Variants in BPIFC observed in about 807,000 individuals in gnomAD.
BPIFC encodes the protein BPI fold containing family C.
A neutral mutation model predicts 57.6 loss-of-function variants in BPIFC; 60 were observed. That is an observed-to-expected ratio of 1.04 (90% CI 0.85 to 1.29). The LOEUF (loss-of-function observed/expected upper bound fraction) is 1.29, where lower values mean the gene tolerates loss of function less well. Ranked by LOEUF, BPIFC falls within the 50% of genes most tolerant of loss-of-function variation. The pLI is 0.00. For synonymous variants in BPIFC, 243 were observed against 224.5 expected, an observed-to-expected ratio of 1.08 and a Z score of -0.74; for missense variants, 581 against 600.5, an observed-to-expected ratio of 0.97 and a Z score of 0.34.
At chr22:32,435,000 C>T (rs1053480565) in intron 10 of BPIFC, among the ~76,000 whole-genome samples, 7 of 124,494 alleles carry the variant, frequency 5.6e-5, no homozygotes, top group African/African-American at 1.8e-4. Context: ...ATAATGATGA[C>T]AATGATGATA....
chr22:32,428,220 T>A (rs1053813221), intron 13 of BPIFC, among the ~76,000 whole-genome samples: 1 of 152,072 alleles, frequency 6.6e-6, no homozygotes. Flanking sequence ...TATTCATTTT[T>A]AAAAATTATT....
chr22:32,419,486 C>T, intron 13 of BPIFC, 82 bp from the exon 14 acceptor site: 1 of 1,339,224 alleles, frequency 7.5e-7, no homozygotes, highest in South Asian at 1.2e-5. Context: ...AGGATATTTT[C>T]AGTTCAAAAG....
Position 32,446,031 on chromosome 22 carries a change from G to A in BPIFC, c.375-35C>T, listed in dbSNP as rs755850192. On this transcript the variant is annotated intron_variant, in intron 5 of 16. Transcript: ENST00000300399. ...GAAGTGCAAGGTTATCCAAGCCTGAGTCAGGCACAGAGATGGATCTTGTTT... is the reference window on the plus strand; with the variant it reads ...GAAGTGCAAGGTTATCCAAGCCTGAATCAGGCACAGAGATGGATCTTGTTT... 5.0e-6 allele frequency: 8 copies of A among 1,608,206 alleles called. No individual in the cohort carries two copies. In the South Asian group the frequency reaches 8.8e-5, roughly 18 times the overall value.
At chr22:32,421,023 G>T (rs1019193446) in intron 13 of BPIFC, among the ~76,000 whole-genome samples, 2 of 152,172 alleles carry the variant, frequency 1.3e-5, no homozygotes, top group Non-Finnish European at 1.5e-5. Context: ...TAATGTCCTT[G>T]ATGTTCTTTT....
At chr22:32,440,509 C>T (rs1308705855) in intron 8 of BPIFC, among the ~76,000 whole-genome samples, 1 of 152,154 alleles carries the variant, frequency 6.6e-6, no homozygotes, top group African/African-American at 2.4e-5. Context: ...AAAGTTCCTG[C>T]ACCCAAGGAA....
chr22:32,447,116 G>T, intron 5 of BPIFC, 96 bp downstream of exon 5: 1 of 1,392,808 alleles, frequency 7.2e-7, no homozygotes, highest in Non-Finnish European at 9.5e-7. Context: ...ATGAGGGAAA[G>T]AAGCCTATTG....
intron 4 of BPIFC, among the ~76,000 whole-genome samples, chr22:32,449,821 G>A (rs377606925): frequency 6.6e-6 from 1 of 150,840 alleles, no homozygotes; most frequent in Admixed American, 6.6e-5. Flanking sequence ...TACAAGCTCC[G>A]CCTCCCGGGT....
chr22:32,415,869 T>A lies in BPIFC; in HGVS notation c.1401+46A>T, dbSNP rs200517481. ...CAAAACAGGAGGAGGCTTAGTCTAC[T>A]ATAAAAAGAAATGGGTCAGTTAAGA... On this transcript the variant is annotated intron_variant, in intron 16 of 16. Transcript: ENST00000300399. The A allele has an allele frequency of 1.4e-4, 190 of 1,367,556 alleles. 2 individuals are homozygous for A. The African/African-American group carries it at 2.6e-3, about 18-fold the overall frequency. 84.7% of individuals were successfully genotyped at this position (1,367,556 alleles called of 1,614,324 possible).
chr22:32,442,634 A>T (rs1934596215), intron 8 of BPIFC, 37 bp downstream of exon 8: 1 of 1,595,854 alleles, frequency 6.3e-7, no homozygotes, highest in African/African-American at 1.3e-5. Flanking sequence ...TGAAGGTAGG[A>T]AGACAACCAT....
intron 1 of BPIFC, among the ~76,000 whole-genome samples, chr22:32,462,695 C>A (rs1433464458): frequency 6.6e-6 from 1 of 152,122 alleles, no homozygotes; most frequent in Admixed American, 6.5e-5. Flanking sequence ...GGGAACCCAA[C>A]CTTGTTCTTC....
intron 9 of BPIFC, 97 bp from the exon 10 acceptor site, chr22:32,435,977 C>T: frequency 2.2e-6 from 3 of 1,393,302 alleles, no homozygotes; most frequent in Non-Finnish European, 1.9e-6. Context: ...AATAAGAATT[C>T]CAGAAGCTCG....
intron 3 of BPIFC, among the ~76,000 whole-genome samples, chr22:32,454,625 C>G (rs1201355419): frequency 6.6e-6 from 1 of 152,148 alleles, no homozygotes; most frequent in Non-Finnish European, 1.5e-5. Context: ...GCCTTTATCC[C>G]CTTATTTTGC....
At chr22:32,429,429 A>C (rs80221555) in intron 13 of BPIFC, among the ~76,000 whole-genome samples, 35,406 of 148,542 alleles carry the variant, frequency 0.24, 4,858 homozygotes, top group East Asian at 0.48. Flanking sequence ...GATGGTCTCG[A>C]TCTCCTGACC....
At chr22:32,459,107 G>A (rs1172782715) in intron 2 of BPIFC, among the ~76,000 whole-genome samples, 1 of 152,186 alleles carries the variant, frequency 6.6e-6, no homozygotes, top group African/African-American at 2.4e-5. Context: ...GTTACAATCT[G>A]GGTGAGCTAT....
chr22:32,424,729 C>CTTCTTCT (rs1933996020), intron 13 of BPIFC, among the ~76,000 whole-genome samples: 2 of 48,224 alleles, frequency 4.1e-5, no homozygotes, highest in African/African-American at 3.5e-4. Flanking sequence ...CTTCTTCTTC[C>CTTCTTCT]TCTTCTTCTT....
intron 14 of BPIFC, 41 bp from the exon 15 acceptor site, chr22:32,417,189 CTTT>C (rs5844996): frequency 0.059 from 56,096 of 944,312 alleles, 6 homozygotes; most frequent in Middle Eastern, 0.066. Context: ...GCAGATCGGG[CTTT>C]TTTTTTTTTT....
At chr22:32,438,331 T>C (rs1934468383) in intron 8 of BPIFC, among the ~76,000 whole-genome samples, 1 of 152,260 alleles carries the variant, frequency 6.6e-6, no homozygotes. Flanking sequence ...GGAGGACTAC[T>C]GTATATCTTT....
intron 13 of BPIFC, among the ~76,000 whole-genome samples, chr22:32,424,605 TCCTC>T (rs1933954424): frequency 1.8e-5 from 1 of 56,146 alleles, no homozygotes; most frequent in Non-Finnish European, 3.4e-5. Flanking sequence ...CTTCTTCTCC[TCCTC>T]CTCCTCCTCC....
chr22:32,432,622 T>G (rs1283381798), intron 11 of BPIFC, 79 bp from the exon 12 acceptor site: 4 of 1,387,376 alleles, frequency 2.9e-6, no homozygotes, highest in Non-Finnish European at 4.0e-6. Context: ...GGATGGCCTG[T>G]GGTGACTAAA....
Sources: allele counts gnomAD v4.1 joint callset (sites outside exome capture counted in the v4.1 genomes callset), GRCh38; gene constraint gnomAD v4.1.1; transcripts MANE v1.5; gene names NCBI Gene and HGNC (gene_info 2026-07-23, HGNC 2026-07-21).